The following PTPRH variants were observed in gnomAD, a reference collection of about 807,000 sequenced individuals.
PTPRH encodes the protein protein tyrosine phosphatase receptor type H.
Under a neutral mutation model 130.2 loss-of-function variants are expected in PTPRH, and 113 were observed. The ratio of observed to expected loss-of-function variants is 0.87; its 90% CI spans 0.75 to 1.01. The LOEUF (loss-of-function observed/expected upper bound fraction) is 1.01, where lower values mean the gene tolerates loss of function less well. Among genes scored for constraint, PTPRH ranks in the 50% least tolerant of loss-of-function variants. PTPRH has a pLI of 0.00. For synonymous variants in PTPRH, 556 were observed against 577.9 expected (o/e 0.96, Z 0.54); for missense variants, 1,430 against 1,425.0 (o/e 1.00, Z -0.06).
intron 3 of PTPRH, 150 bp downstream of exon 3, chr19:55,206,539 A>C: frequency 3.7e-6 from 3 of 819,248 alleles, no homozygotes; most frequent in Non-Finnish European, 5.3e-6. Flanking sequence ...ACTTATTTTT[A>C]TGTGGCTGAT....
intron 3 of PTPRH, 75 bp downstream of exon 3, chr19:55,206,614 T>C (rs2122351158): frequency 7.2e-7 from 1 of 1,389,802 alleles, no homozygotes; most frequent in Non-Finnish European, 9.6e-7. Context: ...ACCTGTCGCA[T>C]TTTGTCAGCT....
chr19:55,192,226 C>A (rs1046049419), intron 10 of PTPRH, among the ~76,000 whole-genome samples: 4 of 151,970 alleles, frequency 2.6e-5, no homozygotes, highest in Non-Finnish European at 5.9e-5. Flanking sequence ...CACGGTGAAA[C>A]CCCATCTCCA....
chr19:55,185,445 G>C (rs758272235), intron 18 of PTPRH, 57 bp downstream of exon 18: 5 of 1,587,894 alleles, frequency 3.1e-6, no homozygotes, highest in Non-Finnish European at 3.4e-6. Flanking sequence ...TAACACAACT[G>C]TCTGAGCCCC....
chr19:55,185,398 C>T (rs2086289447), intron 18 of PTPRH, 104 bp downstream of exon 18: 1 of 1,276,692 alleles, frequency 7.8e-7, no homozygotes, highest in South Asian at 1.5e-5. Context: ...TCCTTCTCTC[C>T]CTCTTCACCT....
chr19:55,190,972 G>C (rs180910404), intron 12 of PTPRH, among the ~76,000 whole-genome samples: 1 of 152,178 alleles, frequency 6.6e-6, no homozygotes, highest in African/African-American at 2.4e-5. Flanking sequence ...CTCCCAAGTA[G>C]CTGGGACTAT....
chr19:55,189,942 T>G, intron 12 of PTPRH: 1 of 338,346 alleles, frequency 3.0e-6, no homozygotes, highest in Non-Finnish European at 5.8e-6. Flanking sequence ...TGCAGTGAGC[T>G]ATGATTGCGC....
intron 12 of PTPRH, chr19:55,189,749 G>A (rs1268961454): frequency 2.2e-6 from 1 of 455,826 alleles, no homozygotes; most frequent in East Asian, 7.0e-5. Context: ...GGGAGGCCGA[G>A]GTGGAAGGGC....
rs1007832011 is a variant in PTPRH at position 55,191,382 on chromosome 19, C to G, written c.2384+119G>C. 5 of 1,196,956 alleles carry G rather than the reference C, an allele frequency of 4.2e-6. No individual in the cohort carries two copies. The East Asian group carries it at 1.2e-4, about 28-fold the overall frequency. The allele number at this position is 1,196,956 out of a possible 1,614,324, so 74.1% of individuals were successfully genotyped here. A position where few individuals can be genotyped will look rare whatever the true frequency, so the allele number is the denominator to read the frequency against. Reference sequence around the variant, plus strand: ...GGTCCCTGTCGCAGAGGCATGGGCCCCTTCTGAGACCTTTGTGGGTAAATG... The same window carrying G: ...GGTCCCTGTCGCAGAGGCATGGGCCGCTTCTGAGACCTTTGTGGGTAAATG... On this transcript the variant is annotated intron_variant, in intron 12 of 19. Coordinates refer to ENST00000376350, the MANE Select transcript of PTPRH (RefSeq NM_002842.5).
rs142155535 is a variant in PTPRH at position 55,197,348 on chromosome 19, C to T, written c.1759G>A (p.Ala587Thr). 1.2e-4 allele frequency: 192 copies of T among 1,614,060 alleles called. No homozygotes were observed. Among genetic ancestry groups the T allele is most frequent in the Non-Finnish European group, 1.5e-4 (180 of 1,180,032 alleles). The change falls in exon 9 of 20, where the codon GCC (alanine) becomes ACC (threonine). Residue 587 changes from alanine (A) to threonine (T), a missense_variant. Coordinates refer to ENST00000376350, the MANE Select transcript of PTPRH (RefSeq NM_002842.5). Reference sequence around the variant, plus strand: ...AACTGAGAGTGGGGGTCTCCAGGGGCCTTCCACCACAGCATGACTGAGTTC... The same window carrying T: ...AACTGAGAGTGGGGGTCTCCAGGGGTCTTCCACCACAGCATGACTGAGTTC... ...TKNSVMLWWK[A>T]PGDPHSQLYV... is the part of the protein sequence containing the mutation.
At position 55,209,395 on chromosome 19, in the gene PTPRH, G is replaced by T; in HGVS notation, c.39C>A (p.Asn13Lys). The T allele has an allele frequency of 1.3e-6, 2 of 1,562,334 alleles. No individual in the cohort carries two copies. The highest frequency in any genetic ancestry group is 2.4e-5 in the South Asian group (2 of 84,958). The change falls in exon 1 of 20, where the codon AAC becomes AAA. Residue 13 changes from asparagine to lysine, a missense_variant. By Grantham distance (94) the Asn-to-Lys change is moderately conservative. Transcript: ENST00000376350. The surrounding 1 kb of genome is among the most constrained non-coding windows in gnomAD (Gnocchi z 4.1). ...GAGGGLGVWG[N>K]LVLLGLCSWT... ...GGGGAGCACTTACCAGCAGCACCAG[G>T]TTCCCCCAGACCCCGAGGCCCCCGC...
chr19:55,185,954 A>G lies in PTPRH; in HGVS notation c.2809T>C (p.Ser937Pro), dbSNP rs1422826672. The change falls in exon 17 of 20, where the codon TCG becomes CCG. Residue 937 changes from serine to proline, a missense_variant. Transcript: ENST00000376350. Reference sequence around the variant, plus strand: ...AGGTGCCCATGGGTGCAGGGCTGCGAGTCCAGAGGCCAGTAATGCTCACAC... The same window carrying G: ...AGGTGCCCATGGGTGCAGGGCTGCGGGTCCAGAGGCCAGTAATGCTCACAC... ...VKCEHYWPLD[S>P]QPCTHGHLRV... is the part of the protein sequence containing the mutation. The G allele has an allele frequency of 6.2e-7, 1 of 1,613,896 alleles. No individual in the cohort carries two copies. Among genetic ancestry groups the G allele is most frequent in the Non-Finnish European group, 8.5e-7 (1 of 1,179,954 alleles).
At chr19:55,182,658 A>G (rs900061022) in intron 18 of PTPRH, among the ~76,000 whole-genome samples, 2 of 152,146 alleles carry the variant, frequency 1.3e-5, no homozygotes, top group Admixed American at 6.5e-5. Flanking sequence ...CCATTGTACA[A>G]ATGGGGAAAT....
chr19:55,181,612 C>T lies in PTPRH; in HGVS notation c.*142G>A. The T allele has an allele frequency of 8.4e-7, 1 of 1,191,844 alleles. No individual in the cohort carries two copies. The highest frequency in any genetic ancestry group is 1.2e-6 in the Non-Finnish European group (1 of 839,940). The allele number at this position is 1,191,844 out of a possible 1,614,324, so 73.8% of individuals were successfully genotyped here. ...ACCAGACCACTCTCTCCTGGGGAAA[C>T]CAGAGTTTGGGATACCAGCCCCCTC... On this transcript the variant is annotated 3_prime_UTR_variant, in exon 20 of 20. Transcript: ENST00000376350.
chr19:55,206,298 C>CTTTTCTTTTG (rs139594340), intron 3 of PTPRH, among the ~76,000 whole-genome samples: 1 of 148,498 alleles, frequency 6.7e-6, no homozygotes, highest in Non-Finnish European at 1.5e-5. Context: ...GTTTGTTTTT[C>CTTTTCTTTTG]TTTTCTTTTG....
At position 55,182,016 on chromosome 19, in the gene PTPRH, C is replaced by G. The variant is rs780040907; in HGVS notation, c.3198G>C (p.Glu1066Asp). 2 of 1,614,136 alleles carry G rather than the reference C, an allele frequency of 1.2e-6. No individual in the cohort carries two copies. The highest frequency in any genetic ancestry group is 1.7e-6 in the Non-Finnish European group (2 of 1,180,014). ...RESRPLMVQTEAQYVFLHQCI... is the reference protein window; with the variant it reads ...RESRPLMVQTDAQYVFLHQCI... ...CTGTGTTGCTGAGGGACTGCCTCAC[C>G]TCAGTCTGCACCATCAACGGCCGAC... is the stretch of plus-strand genomic sequence containing the variant. Residue 1066 changes from glutamate to aspartate, a missense_variant and splice_region_variant, in exon 19 of 20, where the codon GAG (glutamate) becomes GAC (aspartate). By Grantham distance (45) the Glu-to-Asp change is conservative. Coordinates refer to ENST00000376350, the MANE Select transcript of PTPRH (RefSeq NM_002842.5).
Position 55,209,215 on chromosome 19 carries a change from C to G in PTPRH, c.51+168G>C, listed in dbSNP as rs1477918151. On this transcript the variant is annotated intron_variant, in intron 1 of 19. Coordinates refer to ENST00000376350, the MANE Select transcript of PTPRH (RefSeq NM_002842.5). This position sits in a 1 kb window ranked among gnomAD's most constrained non-coding sequence, Gnocchi z 4.1. ...GCAGACACGACAGTATCTAAGAGCC[C>G]AGGTGTAAGACTCTCCTACAGTCTC... is the stretch of plus-strand genomic sequence containing the variant. Among the ~76,000 whole-genome samples, 1 of 152,060 alleles carries G rather than the reference C, an allele frequency of 6.6e-6. No homozygotes were observed. Among genetic ancestry groups the G allele is most frequent in the Non-Finnish European group, 1.5e-5 (1 of 67,982 alleles).
rs371889874 is a variant in PTPRH, at chr19:55,204,564, GATGGAGCTGAGAGACTGC to G, written c.620-534_620-517del. Among the ~76,000 whole-genome samples the G allele has an allele frequency of 3.5e-4, 54 of 152,252 alleles. 2 individuals carry two copies. Among genetic ancestry groups the G allele is most frequent in the African/African-American group, 1.2e-3 (51 of 41,546 alleles). ...GCAGGTTCTCACTCAGCAGGGCTAG[GATGGAGCTGAGAGACTGC>G]ACTCCCCCCCACCCTTTTTCTCCCC... is the stretch of plus-strand genomic sequence containing the variant. On this transcript the variant is annotated intron_variant, in intron 4 of 19. Coordinates refer to ENST00000376350, the MANE Select transcript of PTPRH (RefSeq NM_002842.5).
chr19:55,191,871 G>A, intron 10 of PTPRH, 130 bp from the exon 11 acceptor site: 1 of 827,890 alleles, frequency 1.2e-6, no homozygotes, highest in South Asian at 1.4e-5. Context: ...ACATCACACG[G>A]TGTGAATTGC....
chr19:55,199,748 GGAAA>G (rs143270418), intron 7 of PTPRH, among the ~76,000 whole-genome samples: 1 of 143,602 alleles, frequency 7.0e-6, no homozygotes, highest in Admixed American at 7.2e-5. Flanking sequence ...GGAAAGAGAA[GGAAA>G]GAAAGAGAAA....
Sources: allele counts gnomAD v4.1 joint callset (sites outside exome capture counted in the v4.1 genomes callset), GRCh38; gene constraint gnomAD v4.1.1; non-coding constraint Gnocchi (gnomAD v3.1); transcripts MANE v1.5; gene names NCBI Gene and HGNC (gene_info 2026-07-23, HGNC 2026-07-21).